FGFR2: variants seen among roughly 807,000 people sequenced by gnomAD.
The protein encoded by FGFR2 is fibroblast growth factor receptor 2.
FGFR2 carries 19 observed loss-of-function variants against 95.9 expected under a neutral mutation model. That is an observed-to-expected ratio of 0.20 (90% CI 0.14 to 0.29). The LOEUF is 0.29. Among genes scored for constraint, FGFR2 ranks in the 10% least tolerant of loss-of-function variants. The pLI is 1.00. For synonymous variants in FGFR2, 392 were observed against 393.3 expected (o/e 1.00, Z 0.04); for missense variants, 707 against 1,056.9 (o/e 0.67, Z 4.59).
At chr10:121,525,523 T>A (rs185023669) in intron 6 of FGFR2, among the ~76,000 whole-genome samples, 1 of 152,168 alleles carries the variant, frequency 6.6e-6, no homozygotes, top group East Asian at 1.9e-4. Context: ...AATATCAGGA[T>A]GGGCTCTGTC....
At chr10:121,584,303 C>T (rs1328917163) in intron 2 of FGFR2, among the ~76,000 whole-genome samples, 1 of 151,794 alleles carries the variant, frequency 6.6e-6, no homozygotes, top group Admixed American at 6.6e-5. Context: ...TGGAGCTCAC[C>T]TCTCCAGCCT....
At chr10:121,515,993 T>A (rs912750185) in intron 8 of FGFR2, among the ~76,000 whole-genome samples, 7 of 152,018 alleles carry the variant, frequency 4.6e-5, no homozygotes, top group Non-Finnish European at 7.4e-5. Context: ...CTTTTAAGTT[T>A]ATACATATCC....
intron 17 of FGFR2, among the ~76,000 whole-genome samples, chr10:121,480,824 C>A (rs187096020): frequency 1.6e-4 from 24 of 152,102 alleles, no homozygotes; most frequent in Admixed American, 5.2e-4. Context: ...TCTGGATCAC[C>A]CCAGGGTGAC....
intron 2 of FGFR2, 51 bp from the exon 3 acceptor site, chr10:121,565,755 G>A (rs767826364): frequency 1.3e-5 from 21 of 1,606,660 alleles, no homozygotes; most frequent in Non-Finnish European, 1.7e-5. Context: ...AGGAGGGAGA[G>A]GAGAGAACGT....
intron 6 of FGFR2, among the ~76,000 whole-genome samples, chr10:121,535,279 A>AG (rs1852670131): frequency 6.6e-6 from 1 of 152,202 alleles, no homozygotes; most frequent in South Asian, 2.1e-4. Context: ...GTAATTTGTT[A>AG]GGGGTACCCT....
At chr10:121,595,055 G>C (rs555336114) in intron 1 of FGFR2, among the ~76,000 whole-genome samples, 2 of 152,304 alleles carry the variant, frequency 1.3e-5, no homozygotes, top group South Asian at 2.1e-4. Context: ...ACAAACTTTA[G>C]AGAATGATTA....
At position 121,551,701 on chromosome 10, in the gene FGFR2, C is replaced by T. The variant is rs147906363; in HGVS notation, c.455-242G>A. Among the ~76,000 whole-genome samples the T allele has an allele frequency of 5.4e-3, 818 of 152,006 alleles. 7 individuals are homozygous for T. The highest frequency in any genetic ancestry group is 0.019 in the African/African-American group (773 of 41,508). On this transcript the variant is annotated intron_variant, in intron 4 of 17. Transcript: ENST00000358487. ...AAGAAAAAAAAAAAAGTGTTTGAGGCCCCTTCTCTCTCTTGTTCTTGATGC... is the reference window on the plus strand; with the variant it reads ...AAGAAAAAAAAAAAAGTGTTTGAGGTCCCTTCTCTCTCTTGTTCTTGATGC...
At chr10:121,575,209 T>C (rs1303227491) in intron 2 of FGFR2, among the ~76,000 whole-genome samples, 2 of 152,224 alleles carry the variant, frequency 1.3e-5, no homozygotes, top group Admixed American at 6.5e-5. Context: ...AAAGAAATTA[T>C]ATTGTTGCCC....
At chr10:121,558,836 C>G (rs1856549182) in intron 4 of FGFR2, among the ~76,000 whole-genome samples, 1 of 152,012 alleles carries the variant, frequency 6.6e-6, no homozygotes, top group African/African-American at 2.4e-5. Flanking sequence ...ATCCGCCTGC[C>G]TCGGCCTCCC....
intron 9 of FGFR2, among the ~76,000 whole-genome samples, chr10:121,513,493 T>C (rs1033812463): frequency 1.3e-5 from 2 of 152,128 alleles, no homozygotes; most frequent in African/African-American, 4.8e-5. Flanking sequence ...AAAAAGATGA[T>C]GAGATAATTA....
intron 9 of FGFR2, among the ~76,000 whole-genome samples, chr10:121,505,691 C>T (rs78056859): frequency 6.6e-6 from 1 of 152,138 alleles, no homozygotes; most frequent in East Asian, 1.9e-4. Flanking sequence ...TTTAAAGTCC[C>T]CGCCATGTGG....
chr10:121,557,980 T>G (rs1856409852), intron 4 of FGFR2, among the ~76,000 whole-genome samples: 1 of 152,138 alleles, frequency 6.6e-6, no homozygotes. Flanking sequence ...CTCTCATCAC[T>G]CGAGAGAAAG....
At chr10:121,506,357 C>CAAAAAAAAAAA (rs10678814) in intron 9 of FGFR2, among the ~76,000 whole-genome samples, 6 of 101,142 alleles carry the variant, frequency 5.9e-5, no homozygotes, top group African/African-American at 2.4e-4. Context: ...GACTCCGTCT[C>CAAAAAAAAAAA]AAAAAAAAAA....
chr10:121,515,435 A>G lies in FGFR2; in HGVS notation c.1085-116T>C, dbSNP rs1849586242. 1.9e-5 allele frequency: 20 copies of G among 1,037,530 alleles called. No individual in the cohort carries two copies. The South Asian group carries it at 2.5e-4, about 13-fold the overall frequency. The allele number at this position is 1,037,530 out of a possible 1,614,324, so 64.3% of individuals were successfully genotyped here. On this transcript the variant is annotated intron_variant, in intron 8 of 17. Coordinates refer to ENST00000358487, the MANE Select transcript of FGFR2 (RefSeq NM_000141.5). ...AAAAGGCGACGACCATTCTCAAGGC[A>G]AGGTGGGCTTCCCAAAAACTCCCAA...
chr10:121,568,746 T>G (rs1426528901), intron 2 of FGFR2, among the ~76,000 whole-genome samples: 2 of 152,204 alleles, frequency 1.3e-5, no homozygotes, highest in African/African-American at 4.8e-5. Flanking sequence ...GTGTTTTCAT[T>G]GAGAATCCTT....
chr10:121,597,991 T>TGTTGTCCCCGCGCCCCGC lies in FGFR2; in HGVS notation c.-198_-181dup. The TGTTGTCCCCGCGCCCCGC allele has an allele frequency of 2.5e-6, 1 of 395,186 alleles. No individual in the cohort carries two copies. Among genetic ancestry groups the TGTTGTCCCCGCGCCCCGC allele is most frequent in the Non-Finnish European group, 4.5e-6 (1 of 223,826 alleles). The allele number at this position is 395,186 out of a possible 1,614,324, so 24.5% of individuals were successfully genotyped here. The stretch of plus-strand genomic sequence containing the variant: ...AATGGCAACGCTCCTCCGCGACCTG[T>TGTTGTCCCCGCGCCCCGC]GTTGTCCCCGCGCCCCGCGTGGGTC... On this transcript the variant is annotated 5_prime_UTR_variant, in exon 1 of 18. Transcript: ENST00000358487.
rs1385057607 is a variant in FGFR2, at chr10:121,598,194, G to C, written c.-383C>G. 1.5e-5 allele frequency: 6 copies of C among 397,872 alleles called. No homozygotes were observed. The highest frequency in any genetic ancestry group is 1.2e-3 in the Middle Eastern group (2 of 1,608). The allele number at this position is 397,872 out of a possible 1,614,324, so 24.6% of individuals were successfully genotyped here. Reference sequence around the variant, plus strand: ...GGATTTGGGGAACGAGAGGAAGAAAGGACTCAGGCTTGGCGTTGCCTCCAC... The same window carrying C: ...GGATTTGGGGAACGAGAGGAAGAAACGACTCAGGCTTGGCGTTGCCTCCAC... On this transcript the variant is annotated 5_prime_UTR_variant, in exon 1 of 18. Transcript: ENST00000358487.
chr10:121,582,564 G>A (rs1402782108), intron 2 of FGFR2, among the ~76,000 whole-genome samples: 3 of 152,126 alleles, frequency 2.0e-5, no homozygotes, highest in Admixed American at 1.3e-4. Context: ...GGAGGCTGAG[G>A]TGGGTGGATC....
intron 2 of FGFR2, among the ~76,000 whole-genome samples, chr10:121,591,707 T>C (rs1471461434): frequency 1.3e-5 from 2 of 152,170 alleles, no homozygotes; most frequent in Non-Finnish European, 2.9e-5. Context: ...AATGAACTCA[T>C]AGCTCATGGA....
Sources: gnomAD v4.1 joint callset for allele counts (sites outside exome capture counted in the v4.1 genomes callset) on GRCh38, gnomAD v4.1.1 for gene constraint, MANE v1.5 for transcripts, NCBI Gene and HGNC (gene_info 2026-07-23, HGNC 2026-07-21) for gene names.